The following ZFHX3 variants were observed in gnomAD, a reference collection of about 807,000 sequenced individuals.
ZFHX3 encodes the protein zinc finger homeobox 3.
ZFHX3 carries 42 observed loss-of-function variants against 279.1 expected under a neutral mutation model. That is an observed-to-expected ratio of 0.15 (90% CI 0.12 to 0.19). The LOEUF (loss-of-function observed/expected upper bound fraction) is 0.19. ZFHX3 is among the 10% of genes least tolerant of loss of function. The pLI, the probability that ZFHX3 is intolerant of heterozygous loss-of-function variation, is 1.00. For synonymous variants in ZFHX3, 2,293 were observed against 1,957.8 expected, an observed-to-expected ratio of 1.17 and a Z score of -4.52; for missense variants, 4,981 against 4,754.0, an observed-to-expected ratio of 1.05 and a Z score of -1.40.
At chr16:72,844,126 A>G (rs981773794) in intron 4 of ZFHX3, among the ~76,000 whole-genome samples, 3 of 152,124 alleles carry the variant, frequency 2.0e-5, no homozygotes, top group Non-Finnish European at 4.4e-5. Flanking sequence ...CTCATCATCG[A>G]TATTCTGGAT....
intron 8 of ZFHX3, among the ~76,000 whole-genome samples, chr16:73,091,640 C>A (rs914803845): frequency 2.0e-5 from 3 of 152,160 alleles, no homozygotes; most frequent in African/African-American, 7.2e-5. Context: ...AAATAGTTAA[C>A]CTTAGTTGTG....
chr16:73,167,759 AG>A (rs1321678460), intron 5 of ZFHX3, among the ~76,000 whole-genome samples: 1 of 152,248 alleles, frequency 6.6e-6, no homozygotes, highest in African/African-American at 2.4e-5. Flanking sequence ...CCTTTTCTGC[AG>A]AAAATTCTCT....
chr16:72,953,960 G>T (rs1961120545), intron 2 of ZFHX3, among the ~76,000 whole-genome samples: 1 of 152,198 alleles, frequency 6.6e-6, no homozygotes. Context: ...CTCCCTTCGA[G>T]AACTATGCCT....
intron 1 of ZFHX3, among the ~76,000 whole-genome samples, chr16:73,820,241 C>G (rs192158113): frequency 1.3e-5 from 2 of 152,118 alleles, no homozygotes; most frequent in African/African-American, 2.4e-5. Flanking sequence ...AGGCGCCCAC[C>G]ACCACACTTG....
At chr16:73,566,767 C>G (rs825703) in intron 2 of ZFHX3, among the ~76,000 whole-genome samples, 51,379 of 149,820 alleles carry the variant, frequency 0.34, 9,873 homozygotes, top group Non-Finnish European at 0.45. Context: ...GGCGCGATCT[C>G]GGCTCACTGC....
intron 3 of ZFHX3, among the ~76,000 whole-genome samples, chr16:72,935,228 G>A (rs1364537283): frequency 6.6e-6 from 1 of 152,178 alleles, no homozygotes; most frequent in South Asian, 2.1e-4. Context: ...GACAGGAGGA[G>A]AGAAGCAGGT....
intron 3 of ZFHX3, among the ~76,000 whole-genome samples, chr16:73,389,937 GT>G (rs1567469135): frequency 6.6e-6 from 1 of 152,124 alleles, no homozygotes; most frequent in African/African-American, 2.4e-5. Context: ...GCGCACGCCT[GT>G]AGTCCTGGCT....
At chr16:73,655,376 A>C (rs868379369) in intron 2 of ZFHX3, among the ~76,000 whole-genome samples, 12 of 152,218 alleles carry the variant, frequency 7.9e-5, no homozygotes, top group African/African-American at 2.9e-4. Flanking sequence ...ATAATTGTAC[A>C]TGTAGAAAAT....
intron 5 of ZFHX3, among the ~76,000 whole-genome samples, chr16:73,193,376 C>T (rs199802574): frequency 2.0e-5 from 3 of 152,112 alleles, no homozygotes; most frequent in African/African-American, 4.8e-5. Context: ...GAGATGGGGG[C>T]GGTGAACTGC....
At chr16:73,841,865 C>G (rs191979147) in intron 1 of ZFHX3, among the ~76,000 whole-genome samples, 1 of 152,092 alleles carries the variant, frequency 6.6e-6, no homozygotes, top group South Asian at 2.1e-4. Context: ...TGCACATGAG[C>G]GCATAGTCTG....
rs1447722794 is a variant in ZFHX3, at chr16:73,275,463, G to A, written c.-1193-18327C>T. Among the ~76,000 whole-genome samples the A allele has an allele frequency of 2.0e-5, 3 of 152,126 alleles. No homozygotes were observed. In the South Asian group the frequency reaches 6.2e-4, roughly 32 times the overall value. On this transcript the variant is annotated intron_variant, in intron 4 of 17. Transcript: ENST00000641206. ...TCACATGGTCGTCTTTCACTAGGGG[G>A]TCTTTTGGAGGTTTGTTTTTACATC...
At chr16:73,179,993 T>C (rs956164215) in intron 5 of ZFHX3, among the ~76,000 whole-genome samples, 3 of 152,198 alleles carry the variant, frequency 2.0e-5, no homozygotes, top group African/African-American at 7.2e-5. Context: ...GGCCCAGCTT[T>C]AGCTCCACTG....
chr16:73,507,896 G>A (rs796516972), intron 2 of ZFHX3, among the ~76,000 whole-genome samples: 4 of 152,234 alleles, frequency 2.6e-5, no homozygotes, highest in African/African-American at 9.6e-5. Flanking sequence ...TAATGAGTTT[G>A]CACAATTTTT....
intron 2 of ZFHX3, among the ~76,000 whole-genome samples, chr16:73,536,956 A>G (rs1327541685): frequency 6.6e-6 from 1 of 152,148 alleles, no homozygotes. Flanking sequence ...AAAGAAAGAA[A>G]CTCACACAGT....
rs748609479 is a variant in ZFHX3 at position 72,787,880 on chromosome 16, C to T, written c.10396G>A (p.Val3466Ile). ...AAGCCCGCCTGGCACTTGCGGCAGACCAACTTGTACTGCACCTTTGGAACA... is the reference window on the plus strand; with the variant it reads ...AAGCCCGCCTGGCACTTGCGGCAGATCAACTTGTACTGCACCTTTGGAACA... ...FIVPKVQYKL[V>I]CRKCQAGFSD... Residue 3466 changes from valine (V) to isoleucine (I), a missense_variant, in exon 10 of 10, where the codon GTC (valine) becomes ATC (isoleucine). Val to Ile is a conservative substitution (Grantham distance 29). Transcript: ENST00000268489. The T allele has an allele frequency of 3.1e-6, 5 of 1,613,992 alleles. No homozygotes were observed. In the South Asian group the frequency reaches 5.5e-5, roughly 18 times the overall value.
At chr16:73,493,892 C>A (rs1003322543) in intron 2 of ZFHX3, among the ~76,000 whole-genome samples, 1 of 149,892 alleles carries the variant, frequency 6.7e-6, no homozygotes, top group African/African-American at 2.5e-5. Flanking sequence ...CTAGAATGCA[C>A]GATAAAAAGC....
intron 1 of ZFHX3, among the ~76,000 whole-genome samples, chr16:73,746,609 C>T (rs2142265336): frequency 6.6e-6 from 1 of 152,274 alleles, no homozygotes; most frequent in East Asian, 1.9e-4. Flanking sequence ...GAGACGATTT[C>T]CTGTATGGAG....
At chr16:73,611,926 T>C (rs1004933480) in intron 2 of ZFHX3, among the ~76,000 whole-genome samples, 1 of 152,214 alleles carries the variant, frequency 6.6e-6, no homozygotes, top group Non-Finnish European at 1.5e-5. Context: ...TCTCACAAGA[T>C]GTGACAGGGT....
intron 2 of ZFHX3, among the ~76,000 whole-genome samples, chr16:73,644,427 A>AG (rs1434527225): frequency 2.6e-5 from 4 of 152,068 alleles, no homozygotes; most frequent in Admixed American, 1.3e-4. Context: ...TGGGAGGCAG[A>AG]GGGGGGCAGA....
Sources: allele counts gnomAD v4.1 joint callset (sites outside exome capture counted in the v4.1 genomes callset), GRCh38; gene constraint gnomAD v4.1.1; transcripts MANE v1.5; gene names NCBI Gene and HGNC (gene_info 2026-07-23, HGNC 2026-07-21).